Variants in ADARB2 observed in about 807,000 individuals in gnomAD.
ADARB2 encodes inactive double-stranded RNA-specific editase B2.
ADARB2 carries 25 observed loss-of-function variants against 62.2 expected under a neutral mutation model. That is an observed-to-expected ratio of 0.40 (90% CI 0.29 to 0.56). ADARB2 has a LOEUF of 0.56. Among genes scored for constraint, ADARB2 ranks in the 20% least tolerant of loss-of-function variants. The pLI is 0.43. For missense variants in ADARB2, 1,071 were observed against 1,077.4 expected, an observed-to-expected ratio of 0.99 and a Z score of 0.08; for synonymous variants, 572 against 500.8, an observed-to-expected ratio of 1.14 and a Z score of -1.90.
chr10:1,359,732 A>G (rs1432176041), intron 3 of ADARB2, among the ~76,000 whole-genome samples: 1 of 152,170 alleles, frequency 6.6e-6, no homozygotes, highest in Non-Finnish European at 1.5e-5. Flanking sequence ...CGGCCCTGCC[A>G]TTCCAGGCTG....
chr10:1,513,092 G>A (rs1831958623), intron 1 of ADARB2, among the ~76,000 whole-genome samples: 1 of 152,182 alleles, frequency 6.6e-6, no homozygotes, highest in African/African-American at 2.4e-5. Flanking sequence ...ACACTGAATG[G>A]TAACTTTGGA....
Position 1,477,081 on chromosome 10 carries a change from G to A in ADARB2, c.101-97921C>T, listed in dbSNP as rs1369932727. 1.3e-5 allele frequency among the ~76,000 whole-genome samples: 2 copies of A among 152,034 alleles called. No individual in the cohort carries two copies. The highest frequency in any genetic ancestry group is 2.1e-4 in the South Asian group (1 of 4,812). ...ACCCCTAGAGCACCTTCACAGCCAC[G>A]CAAGGGCACCCTCCCACTGCGCAGC... On this transcript the variant is annotated intron_variant, in intron 1 of 9. Transcript: ENST00000381312. This position sits in a 1 kb window ranked among gnomAD's most constrained non-coding sequence, Gnocchi z 4.5.
intron 4 of ADARB2, among the ~76,000 whole-genome samples, chr10:1,253,543 G>C (rs527363624): frequency 7.6e-4 from 116 of 152,274 alleles, no homozygotes; most frequent in Non-Finnish European, 9.3e-4. Context: ...CATTCAGTGG[G>C]CATTAAACAC....
chr10:1,734,953 C>A (rs972845699), intron 1 of ADARB2, among the ~76,000 whole-genome samples: 11 of 150,268 alleles, frequency 7.3e-5, no homozygotes, highest in Admixed American at 5.4e-4. Flanking sequence ...AATCAATTCC[C>A]AGGAAAATGC....
intron 1 of ADARB2, among the ~76,000 whole-genome samples, chr10:1,527,552 T>A (rs1832164299): frequency 6.6e-6 from 1 of 152,216 alleles, no homozygotes; most frequent in South Asian, 2.1e-4. Flanking sequence ...CTGTTTCTGT[T>A]GTAAGAAGAC....
intron 1 of ADARB2, among the ~76,000 whole-genome samples, chr10:1,584,277 C>G (rs773346491): frequency 2.1e-4 from 32 of 152,216 alleles, no homozygotes; most frequent in Non-Finnish European, 4.1e-4. Flanking sequence ...AAAAAATGCA[C>G]CTAAGACCTT....
intron 1 of ADARB2, among the ~76,000 whole-genome samples, chr10:1,706,597 AG>A (rs1375647930): frequency 6.6e-6 from 1 of 152,204 alleles, no homozygotes; most frequent in African/African-American, 2.4e-5. Flanking sequence ...TTTATTTCAA[AG>A]GAAAACAGTC....
At chr10:1,305,081 A>G (rs986711696) in intron 3 of ADARB2, among the ~76,000 whole-genome samples, 7 of 130,188 alleles carry the variant, frequency 5.4e-5, no homozygotes, top group Non-Finnish European at 1.2e-4. Context: ...GAGAGACACA[A>G]AAAACCCTTC....
intron 3 of ADARB2, among the ~76,000 whole-genome samples, chr10:1,302,507 G>A (rs529103423): frequency 7.9e-5 from 12 of 152,184 alleles, no homozygotes; most frequent in Admixed American, 1.3e-4. Context: ...CGGGAAGCTC[G>A]AACTGGGTGG....
chr10:1,621,362 C>A (rs1022467334), intron 1 of ADARB2, among the ~76,000 whole-genome samples: 5 of 151,742 alleles, frequency 3.3e-5, no homozygotes, highest in African/African-American at 9.7e-5. Context: ...GTTACATTTA[C>A]AAGAGCCTCA....
At chr10:1,378,718 A>G (rs1040347748) in intron 2 of ADARB2, among the ~76,000 whole-genome samples, 14 of 152,070 alleles carry the variant, frequency 9.2e-5, no homozygotes, top group Non-Finnish European at 1.9e-4. Context: ...TGAGGATGGG[A>G]CCACAGGTGA....
intron 1 of ADARB2, among the ~76,000 whole-genome samples, chr10:1,582,178 T>C (rs958322961): frequency 5.3e-5 from 8 of 152,110 alleles, no homozygotes; most frequent in South Asian, 2.1e-4. Context: ...AAGTGGTAGA[T>C]GAGCACCTTG....
In ADARB2 at chr10:1,412,436, T is replaced by G. The variant is rs540921095; in HGVS notation, c.101-33276A>C. ...TTAAATGAAACCTGGGCTTTAGCTA[T>G]GTGAGGTTGTGACTTTATTATTATT... On this transcript the variant is annotated intron_variant, in intron 1 of 9. Transcript: ENST00000381312. Among the ~76,000 whole-genome samples the G allele has an allele frequency of 2.6e-5, 4 of 152,244 alleles. No individual in the cohort carries two copies. The South Asian group carries it at 8.3e-4, about 32-fold the overall frequency.
Position 1,240,125 on chromosome 10 carries a change from TCCCCTCTCCCTCCCGGTGTTTACTC to T in ADARB2, c.1361+1981_1361+2005del, listed in dbSNP as rs1830896395. 8.5e-4 allele frequency among the ~76,000 whole-genome samples: 3 copies of T among 3,534 alleles called. 1 individual carries two copies. The highest frequency in any genetic ancestry group is 4.5e-4 in the Non-Finnish European group (1 of 2,228). The allele number at this position is 3,534 out of a possible 152,430, so 2.3% of individuals were successfully genotyped here. The stretch of plus-strand genomic sequence containing the variant: ...CTCCCCTCTGCCTCCCGGTGTTTAC[TCCCCTCTCCCTCCCGGTGTTTACTC>T]CCCCTCTGCCTCCCGGTGTTTACTC... On this transcript the variant is annotated intron_variant, in intron 5 of 9. Coordinates refer to ENST00000381312, the MANE Select transcript of ADARB2 (RefSeq NM_018702.4).
chr10:1,429,227 AAATGCTTAC>A (rs1252318281), intron 1 of ADARB2, among the ~76,000 whole-genome samples: 1 of 152,212 alleles, frequency 6.6e-6, no homozygotes, highest in African/African-American at 2.4e-5. Flanking sequence ...AAAAATTGTT[AAATGCTTAC>A]AGGGTTATAT....
At chr10:1,278,093 C>G (rs926356041) in intron 3 of ADARB2, among the ~76,000 whole-genome samples, 1 of 152,088 alleles carries the variant, frequency 6.6e-6, no homozygotes, top group African/African-American at 2.4e-5. Flanking sequence ...CCTCAGCCTC[C>G]CAAGTAGCTG....
intron 2 of ADARB2, among the ~76,000 whole-genome samples, chr10:1,375,957 GCACA>G (rs368350780): frequency 6.6e-5 from 2 of 30,402 alleles, no homozygotes; most frequent in African/African-American, 7.6e-5. Context: ...CCACACACAT[GCACA>G]CACACACATG....
At chr10:1,701,680 T>C (rs370640240) in intron 1 of ADARB2, among the ~76,000 whole-genome samples, 1,865 of 6,094 alleles carry the variant, frequency 0.31, 42 homozygotes, top group Non-Finnish European at 0.34. Flanking sequence ...CAGGCGCTCG[T>C]CAATACACTC....
rs1312553804 is a variant in ADARB2, at chr10:1,182,295, T to A, written c.*898A>T. ...CAACCCAGACCTCAGTGGCTCTTAG[T>A]ATCGGCCACCATAAACCAAACGCCA... On this transcript the variant is annotated 3_prime_UTR_variant, in exon 10 of 10. Coordinates refer to ENST00000381312, the MANE Select transcript of ADARB2 (RefSeq NM_018702.4). 2 of 152,458 alleles carry A rather than the reference T, an allele frequency of 1.3e-5. No homozygotes were observed. The highest frequency in any genetic ancestry group is 2.9e-5 in the Non-Finnish European group (2 of 68,194). 9.4% of individuals were successfully genotyped at this position (152,458 alleles called of 1,614,324 possible).
Sources: gnomAD v4.1 joint callset for allele counts (sites outside exome capture counted in the v4.1 genomes callset) on GRCh38, gnomAD v4.1.1 for gene constraint, Gnocchi (gnomAD v3.1) non-coding constraint, MANE v1.5 for transcripts, NCBI Gene and HGNC (gene_info 2026-07-23, HGNC 2026-07-21) for gene names.